The following LINGO2 variants were observed in gnomAD, a reference collection of about 807,000 sequenced individuals.
LINGO2 encodes the protein leucine rich repeat and Ig domain containing 2, also known as leucine-rich repeat and immunoglobulin-like domain-containing nogo receptor-interacting protein 2.
LINGO2 carries 14 observed loss-of-function variants against 30.6 expected under a neutral mutation model. The ratio of observed to expected loss-of-function variants is 0.46; its 90% CI spans 0.30 to 0.72. The LOEUF (loss-of-function observed/expected upper bound fraction) is 0.72. Among genes scored for constraint, LINGO2 ranks in the 30% least tolerant of loss-of-function variants. The pLI is 0.07. For synonymous variants in LINGO2, 317 were observed against 288.5 expected (o/e 1.10, Z -1.00); for missense variants, 729 against 751.7 (o/e 0.97, Z 0.35).
chr9:28,902,878 G>A, the LINGO2 span, among the ~76,000 whole-genome samples: 762 of 151,688 alleles, frequency 5.0e-3, 5 homozygotes, highest in Non-Finnish European at 6.8e-3. Flanking sequence ...AGAAAAAACA[G>A]TTCTAAGTAG....
the LINGO2 span, among the ~76,000 whole-genome samples, chr9:29,013,255 T>A: frequency 6.6e-6 from 1 of 152,214 alleles, no homozygotes; most frequent in Non-Finnish European, 1.5e-5. Context: ...TTGGGAAGTT[T>A]GGAAGAACTG....
the LINGO2 span, among the ~76,000 whole-genome samples, chr9:28,692,625 T>C: frequency 6.6e-6 from 1 of 152,164 alleles, no homozygotes; most frequent in African/African-American, 2.4e-5. Context: ...CATACATTCA[T>C]GCCATTCAAA....
chr9:29,165,170 A>G, the LINGO2 span, among the ~76,000 whole-genome samples: 130 of 152,258 alleles, frequency 8.5e-4, no homozygotes, highest in African/African-American at 2.8e-3. Flanking sequence ...GGGAAAACTT[A>G]TATCTATATT....
At chr9:28,383,474 G>A (rs1045062849) in intron 2 of LINGO2, among the ~76,000 whole-genome samples, 3 of 152,048 alleles carry the variant, frequency 2.0e-5, no homozygotes, top group African/African-American at 7.2e-5. Flanking sequence ...AGGCAGTAGA[G>A]GCTACTGGTG....
chr9:28,412,857 T>G (rs1023110782), intron 2 of LINGO2, among the ~76,000 whole-genome samples: 1 of 152,092 alleles, frequency 6.6e-6, no homozygotes, highest in African/African-American at 2.4e-5. Flanking sequence ...TCTAACTTTA[T>G]GCAGATTTTG....
At chr9:29,118,153 T>C in the LINGO2 span, among the ~76,000 whole-genome samples, 2 of 152,080 alleles carry the variant, frequency 1.3e-5, no homozygotes, top group Non-Finnish European at 2.9e-5. Flanking sequence ...GTTTCTTCAT[T>C]GCTGTTGGTA....
rs115788703 is a variant in LINGO2, at chr9:28,506,859, A to G, written c.-364-30834T>C. Among the ~76,000 whole-genome samples the G allele has an allele frequency of 4.2e-3, 642 of 152,074 alleles. 7 individuals are homozygous for G. The highest frequency in any genetic ancestry group is 0.015 in the African/African-American group (609 of 41,530). On this transcript the variant is annotated intron_variant, in intron 1 of 5. Coordinates refer to ENST00000379992, the Ensembl canonical transcript of LINGO2. ...AAAGGTATTCCCCCTGGGAAAACAA[A>G]CTTTAACAGATTGATTAAATCATCT...
intron 1 of LINGO2, among the ~76,000 whole-genome samples, chr9:28,546,038 C>T (rs897351392): frequency 6.6e-6 from 1 of 151,924 alleles, no homozygotes; most frequent in African/African-American, 2.4e-5. Flanking sequence ...TCATAAGGCA[C>T]AGAAAGACAA....
chr9:28,337,631 G>A (rs960191919), intron 3 of LINGO2, among the ~76,000 whole-genome samples: 2 of 152,144 alleles, frequency 1.3e-5, no homozygotes, highest in African/African-American at 4.8e-5. Flanking sequence ...GCTCTGTGCA[G>A]CCTTGGGACA....
chr9:29,020,289 C>A, the LINGO2 span, among the ~76,000 whole-genome samples: 103 of 152,272 alleles, frequency 6.8e-4, no homozygotes, highest in African/African-American at 2.3e-3. Context: ...AAAAACCAAA[C>A]ACGATATACC....
intron 1 of LINGO2, among the ~76,000 whole-genome samples, chr9:28,479,560 AT>A (rs1289457708): frequency 6.6e-6 from 1 of 151,896 alleles, no homozygotes; most frequent in Non-Finnish European, 1.5e-5. Context: ...GTTTTAATCA[AT>A]TTTGAAAGAA....
chr9:28,753,740 G>A, the LINGO2 span, among the ~76,000 whole-genome samples: 37 of 152,108 alleles, frequency 2.4e-4, no homozygotes, highest in Middle Eastern at 3.4e-3. Flanking sequence ...TTATATAAGA[G>A]AGAGCTGTGT....
chr9:28,790,335 T>A, the LINGO2 span, among the ~76,000 whole-genome samples: 1 of 137,912 alleles, frequency 7.3e-6, no homozygotes, highest in Non-Finnish European at 1.6e-5. Flanking sequence ...CTTTTTTTTT[T>A]TTTTTTTTTT....
chr9:29,008,262 T>C, the LINGO2 span, among the ~76,000 whole-genome samples: 1 of 152,322 alleles, frequency 6.6e-6, no homozygotes, highest in Admixed American at 6.5e-5. Flanking sequence ...GAACTCATCC[T>C]TTTTTATGGC....
chr9:28,739,889 C>T, the LINGO2 span, among the ~76,000 whole-genome samples: 1 of 150,206 alleles, frequency 6.7e-6, no homozygotes. Flanking sequence ...ACACATACAT[C>T]ATATTAGTAC....
rs748374988 is a variant in LINGO2, at chr9:28,149,204, T to C, written c.-86-136799A>G. The C allele has an allele frequency of 5.0e-6, 6 of 1,197,288 alleles. No individual in the cohort carries two copies. The South Asian group carries it at 5.2e-5, about 10-fold the overall frequency. 74.2% of individuals were successfully genotyped at this position (1,197,288 alleles called of 1,614,324 possible). A position where few individuals can be genotyped will look rare whatever the true frequency, so the allele number is the denominator to read the frequency against. ...GCTGCTTAGGAGGAGAAAGAAGAGA[T>C]GGTAGGGCAGGCGTGGTGGCCCACG... On this transcript the variant is annotated intron_variant, in intron 4 of 5. Coordinates refer to ENST00000379992, the Ensembl canonical transcript of LINGO2.
intron 5 of LINGO2, among the ~76,000 whole-genome samples, chr9:27,986,305 C>CA (rs1207775998): frequency 6.6e-6 from 1 of 151,366 alleles, no homozygotes; most frequent in South Asian, 2.1e-4. Flanking sequence ...TAAACAAAAA[C>CA]AAAAAAGAAA....
intron 1 of LINGO2, among the ~76,000 whole-genome samples, chr9:28,525,067 C>G (rs961072610): frequency 6.6e-6 from 1 of 151,902 alleles, no homozygotes; most frequent in African/African-American, 2.4e-5. Flanking sequence ...AGGTATTTAT[C>G]TAAAAAATAT....
intron 4 of LINGO2, among the ~76,000 whole-genome samples, chr9:28,163,129 C>G (rs909218377): frequency 1.3e-5 from 2 of 152,152 alleles, no homozygotes; most frequent in Non-Finnish European, 2.9e-5. Flanking sequence ...ACAACTCCAG[C>G]AGGAGTGTGT....
Sources: gnomAD v4.1 joint callset for allele counts (sites outside exome capture counted in the v4.1 genomes callset) on GRCh38, gnomAD v4.1.1 for gene constraint, MANE v1.5 for transcripts, NCBI Gene and HGNC (gene_info 2026-07-23, HGNC 2026-07-21) for gene names.